Variants in COL25A1 observed in about 807,000 individuals in gnomAD.
The protein encoded by COL25A1 is collagen alpha-1(XXV) chain.
COL25A1 carries 103 observed loss-of-function variants against 128.4 expected under a neutral mutation model. The ratio of observed to expected loss-of-function variants is 0.80; its 90% CI spans 0.68 to 0.94. The LOEUF (loss-of-function observed/expected upper bound fraction) is 0.94, where lower values mean the gene tolerates loss of function less well. Among genes scored for constraint, COL25A1 ranks in the 40% least tolerant of loss-of-function variants. The probability of loss-of-function intolerance (pLI) is 0.00; values close to 1 mark genes in which losing one functional copy is unlikely to be tolerated. For missense variants in COL25A1, 745 were observed against 840.0 expected, an observed-to-expected ratio of 0.89 and a Z score of 1.40; for synonymous variants, 279 against 277.2, an observed-to-expected ratio of 1.01 and a Z score of -0.06.
chr4:109,234,137 A>G (rs1779326068), intron 3 of COL25A1, among the ~76,000 whole-genome samples: 1 of 152,184 alleles, frequency 6.6e-6, no homozygotes, highest in South Asian at 2.1e-4. Context: ...TGAACAAATT[A>G]ATTTTTTCCA....
intron 3 of COL25A1, among the ~76,000 whole-genome samples, chr4:109,218,360 T>G (rs1420431460): frequency 8.6e-6 from 1 of 116,658 alleles, no homozygotes; most frequent in Non-Finnish European, 1.7e-5. Context: ...TTTTGGGGTT[T>G]TTTTTTTTTT....
rs76637626 is a variant in COL25A1, at chr4:108,883,187, A to G, written c.1020+991T>C. On this transcript the variant is annotated intron_variant, in intron 19 of 37. Transcript: ENST00000399132. ...CTCCTGAGCAGCTGAGATCACACTC[A>G]GATAATTTTTTTTGTATTTTTCATA... 2.5e-3 allele frequency among the ~76,000 whole-genome samples: 385 copies of G among 152,144 alleles called. 3 individuals carry two copies. The highest frequency in any genetic ancestry group is 8.9e-3 in the African/African-American group (370 of 41,518).
In COL25A1 at chr4:109,022,869, C is replaced by A. The variant is rs571615529; in HGVS notation, c.421-12494G>T. On this transcript the variant is annotated intron_variant, in intron 5 of 37. Transcript: ENST00000399132. ...CTGCTTTGGGGTGTTACAGGAAAGG[C>A]TTTAATTTAGGGTGGAAATGTTGCT... Among the ~76,000 whole-genome samples the A allele has an allele frequency of 4.6e-5, 7 of 152,216 alleles. No individual in the cohort carries two copies. The South Asian group carries it at 1.2e-3, about 27-fold the overall frequency.
intron 13 of COL25A1, among the ~76,000 whole-genome samples, chr4:108,909,484 A>C (rs899829578): frequency 6.6e-6 from 1 of 152,254 alleles, no homozygotes; most frequent in Non-Finnish European, 1.5e-5. Context: ...ATGTCTAAAA[A>C]TGATAAATAA....
chr4:109,063,502 CA>C (rs34484812), intron 3 of COL25A1, among the ~76,000 whole-genome samples: 1,407 of 107,814 alleles, frequency 0.013, 8 homozygotes, highest in Middle Eastern at 0.031. Flanking sequence ...GACTCCAACT[CA>C]AAAAAAAAAA....
intron 13 of COL25A1, among the ~76,000 whole-genome samples, chr4:108,916,544 GA>G (rs1405449843): frequency 3.3e-5 from 5 of 152,070 alleles, no homozygotes; most frequent in Non-Finnish European, 7.4e-5. Flanking sequence ...AAACAAAGAC[GA>G]AAAAGGAAAA....
intron 3 of COL25A1, among the ~76,000 whole-genome samples, chr4:109,125,192 G>A (rs925351822): frequency 2.0e-5 from 3 of 152,152 alleles, no homozygotes; most frequent in African/African-American, 7.2e-5. Flanking sequence ...CAATGTGTAT[G>A]TGGAGAGAAG....
At chr4:108,963,463 T>G (rs1750956236) in intron 8 of COL25A1, among the ~76,000 whole-genome samples, 1 of 152,154 alleles carries the variant, frequency 6.6e-6, no homozygotes, top group Non-Finnish European at 1.5e-5. Context: ...TTTAGTATAT[T>G]TACTAAAAGC....
At chr4:109,245,100 C>G (rs901484482) in intron 3 of COL25A1, among the ~76,000 whole-genome samples, 7 of 151,908 alleles carry the variant, frequency 4.6e-5, no homozygotes, top group Non-Finnish European at 8.8e-5. Context: ...TTTAAGTGAC[C>G]ATATTATATA....
At chr4:108,933,453 G>A (rs141496107) in intron 11 of COL25A1, among the ~76,000 whole-genome samples, 72 of 152,230 alleles carry the variant, frequency 4.7e-4, no homozygotes, top group African/African-American at 1.7e-3. Flanking sequence ...TGATATTTAG[G>A]AGAAGAAAGC....
At chr4:108,916,156 C>T (rs556583414) in intron 13 of COL25A1, among the ~76,000 whole-genome samples, 1 of 152,132 alleles carries the variant, frequency 6.6e-6, no homozygotes, top group African/African-American at 2.4e-5. Context: ...AAGTTCCATA[C>T]ACAAAGCTTT....
At chr4:109,036,441 T>C (rs1759358884) in intron 5 of COL25A1, among the ~76,000 whole-genome samples, 2 of 152,164 alleles carry the variant, frequency 1.3e-5, no homozygotes, top group Admixed American at 6.5e-5. Flanking sequence ...CAAAGTAAGT[T>C]TGTATGTAAT....
At chr4:109,063,098 T>TAA (rs1762112437) in intron 3 of COL25A1, among the ~76,000 whole-genome samples, 1 of 152,244 alleles carries the variant, frequency 6.6e-6, no homozygotes, top group Non-Finnish European at 1.5e-5. Context: ...AAGAACAATG[T>TAA]TAGCCAATAC....
intron 3 of COL25A1, among the ~76,000 whole-genome samples, chr4:109,055,244 T>C (rs77934189): frequency 3.2e-4 from 48 of 152,318 alleles, no homozygotes; most frequent in Admixed American, 9.1e-4. Flanking sequence ...ACTCATAAAA[T>C]GTCTGTACTA....
At chr4:109,095,092 G>A (rs770190546) in intron 3 of COL25A1, among the ~76,000 whole-genome samples, 1 of 152,124 alleles carries the variant, frequency 6.6e-6, no homozygotes, top group Non-Finnish European at 1.5e-5. Context: ...TGTGAATAAC[G>A]TTGCAATACA....
At chr4:108,912,968 A>G (rs902097284) in intron 13 of COL25A1, among the ~76,000 whole-genome samples, 9 of 152,162 alleles carry the variant, frequency 5.9e-5, no homozygotes, top group Admixed American at 2.6e-4. Flanking sequence ...TTCATAGTTG[A>G]CACACTAATA....
intron 6 of COL25A1, among the ~76,000 whole-genome samples, chr4:109,007,486 T>C (rs758693612): frequency 1.3e-4 from 20 of 152,166 alleles, no homozygotes; most frequent in Non-Finnish European, 2.4e-4. Context: ...TTCGCTCCTT[T>C]TTTGTGCTGT....
chr4:109,081,896 G>T (rs1459424603), intron 3 of COL25A1, among the ~76,000 whole-genome samples: 4 of 151,982 alleles, frequency 2.6e-5, no homozygotes, highest in African/African-American at 9.7e-5. Flanking sequence ...TAGAGATGGG[G>T]TTTCACTATG....
At chr4:108,932,092 A>G (rs1251650137) in intron 11 of COL25A1, among the ~76,000 whole-genome samples, 1 of 152,170 alleles carries the variant, frequency 6.6e-6, no homozygotes, top group African/African-American at 2.4e-5. Context: ...CCTCTGCCAG[A>G]TCCAAATCAG....
Sources: allele counts gnomAD v4.1 joint callset (sites outside exome capture counted in the v4.1 genomes callset), GRCh38; gene constraint gnomAD v4.1.1; transcripts MANE v1.5; gene names NCBI Gene and HGNC (gene_info 2026-07-23, HGNC 2026-07-21).